ZNF462: variants seen among roughly 807,000 people sequenced by gnomAD.
ZNF462 encodes the protein zinc finger protein 462, also known as zinc finger PBX1-interacting protein.
Under a neutral mutation model 201.9 loss-of-function variants are expected in ZNF462, and 10 were observed. The ratio of observed to expected loss-of-function variants is 0.05; its 90% confidence interval spans 0.03 to 0.08. ZNF462 has a LOEUF of 0.08. Among genes scored for constraint, ZNF462 ranks in the 10% least tolerant of loss-of-function variants. The pLI is 1.00. For missense variants in ZNF462, 2,523 were observed against 3,168.3 expected (o/e 0.80, Z 4.89); for synonymous variants, 1,227 against 1,193.3 (o/e 1.03, Z -0.58).
intron 7 of ZNF462, among the ~76,000 whole-genome samples, chr9:106,958,134 T>G (rs895288452): frequency 6.6e-5 from 10 of 152,088 alleles, no homozygotes; most frequent in African/African-American, 2.4e-4. Context: ...TGATATTCCA[T>G]CATCACTAGG....
In ZNF462 at chr9:107,006,920, A is replaced by G. The variant is rs928267098; in HGVS notation, c.7190-2625A>G. On this transcript the variant is annotated intron_variant, in intron 11 of 12. Transcript: ENST00000277225. This position sits in a 1 kb window ranked among gnomAD's most constrained non-coding sequence, Gnocchi z 4.3. ...GAGGCTGTATTAATCCATTTCTTACAAGGAAAACGGTTGTGATCGGAGAAG... is the reference window on the plus strand; with the variant it reads ...GAGGCTGTATTAATCCATTTCTTACGAGGAAAACGGTTGTGATCGGAGAAG... Among the ~76,000 whole-genome samples the G allele has an allele frequency of 5.3e-5, 8 of 152,178 alleles. No individual in the cohort carries two copies. Among genetic ancestry groups the G allele is most frequent in the African/African-American group, 1.9e-4 (8 of 41,440 alleles).
chr9:106,929,019 G>C lies in ZNF462; in HGVS notation c.5107G>C (p.Ala1703Pro). Residue 1703 changes from alanine to proline, a missense_variant, in exon 3 of 13, where the codon GCC becomes CCC. Around this residue, in one of 15 missense-constraint regions of ZNF462, gnomAD observed 17 missense variants for 57.6 expected, o/e 0.29. Coordinates refer to ENST00000277225, the MANE Select transcript of ZNF462 (RefSeq NM_021224.6). The surrounding 1 kb of genome is among the most constrained non-coding windows in gnomAD (Gnocchi z 8.7). ...CAACCTCTTCAAGTGTGCCCTGTGTGCCTACACCAACCCCATCCGCAAAGG... is the reference window on the plus strand; with the variant it reads ...CAACCTCTTCAAGTGTGCCCTGTGTCCCTACACCAACCCCATCCGCAAAGG... The part of the protein sequence containing the change: ...KNNLFKCALC[A>P]YTNPIRKGLA... 1 of 1,613,968 alleles carries C rather than the reference G, an allele frequency of 6.2e-7. No homozygotes were observed. Among genetic ancestry groups the C allele is most frequent in the Non-Finnish European group, 8.5e-7 (1 of 1,179,998 alleles).
chr9:106,887,331 C>T (rs1444685121), intron 1 of ZNF462, among the ~76,000 whole-genome samples: 1 of 152,162 alleles, frequency 6.6e-6, no homozygotes, highest in Non-Finnish European at 1.5e-5. Context: ...CTTTTCCTTG[C>T]CTACATCCTC....
intron 10 of ZNF462, among the ~76,000 whole-genome samples, chr9:107,002,967 A>C (rs1467700411): frequency 6.6e-6 from 1 of 152,182 alleles, no homozygotes; most frequent in African/African-American, 2.4e-5. Flanking sequence ...CTACAAAAAA[A>C]ATGTGTTTTG....
chr9:106,868,926 C>T (rs935295665), intron 1 of ZNF462, among the ~76,000 whole-genome samples: 1 of 152,234 alleles, frequency 6.6e-6, no homozygotes, highest in Middle Eastern at 3.4e-3. Flanking sequence ...CAGGGTTGAG[C>T]GTGGTTTCAT....
chr9:106,897,161 G>GA (rs1828847678), intron 1 of ZNF462, among the ~76,000 whole-genome samples: 1 of 152,162 alleles, frequency 6.6e-6, no homozygotes. Context: ...CCCTTTCAGA[G>GA]AAAACTTCAC....
chr9:106,928,848 A>C lies in ZNF462; in HGVS notation c.4936A>C (p.Thr1646Pro). Residue 1646 changes from threonine (T) to proline (P), a missense_variant, in exon 3 of 13, where the codon ACT becomes CCT. Transcript: ENST00000277225. This position sits in a 1 kb window ranked among gnomAD's most constrained non-coding sequence, Gnocchi z 9.3. Reference sequence around the variant, plus strand: ...GGAGGTGGGAGAGGAGCCCGTGTCCACTTCTCACTTCTCTACCTCCCACCT... The same window carrying C: ...GGAGGTGGGAGAGGAGCCCGTGTCCCCTTCTCACTTCTCTACCTCCCACCT... ...EEEVGEEPVS[T>P]SHFSTSHLVS... 1 of 1,613,934 alleles carries C rather than the reference A, an allele frequency of 6.2e-7. No homozygotes were observed. The highest frequency in any genetic ancestry group is 8.5e-7 in the Non-Finnish European group (1 of 1,180,010).
chr9:106,966,738 T>C lies in ZNF462; in HGVS notation c.6428-5267T>C, dbSNP rs1832089022. Among the ~76,000 whole-genome samples, 1 of 152,148 alleles carries C rather than the reference T, an allele frequency of 6.6e-6. No individual in the cohort carries two copies. Among genetic ancestry groups the C allele is most frequent in the Non-Finnish European group, 1.5e-5 (1 of 68,018 alleles). On this transcript the variant is annotated intron_variant, in intron 7 of 12. Transcript: ENST00000277225. The surrounding 1 kb of genome is among the most constrained non-coding windows in gnomAD (Gnocchi z 4.4). ...TAAATATTTGCTGAATGAATGGGTG[T>C]AATTGAATCATTTGCCCCTTGGCCA...
At position 106,970,314 on chromosome 9, in the gene ZNF462, A is replaced by C. The variant is rs1005986298; in HGVS notation, c.6428-1691A>C. Among the ~76,000 whole-genome samples, 1 of 152,066 alleles carries C rather than the reference A, an allele frequency of 6.6e-6. No homozygotes were observed. The highest frequency in any genetic ancestry group is 6.5e-5 in the Admixed American group (1 of 15,268). On this transcript the variant is annotated intron_variant, in intron 7 of 12. Coordinates refer to ENST00000277225, the MANE Select transcript of ZNF462 (RefSeq NM_021224.6). The surrounding 1 kb of genome is among the most constrained non-coding windows in gnomAD (Gnocchi z 4.2). ...TACAATTTCCAAAGGGGTTTTTCTC[A>C]ATCTTGAGGAATATGAATTGAGGAG...
rs1044039010 is a variant in ZNF462, at chr9:107,005,822, T to C, written c.7189+2396T>C. Among the ~76,000 whole-genome samples the C allele has an allele frequency of 2.1e-4, 32 of 152,214 alleles. No individual in the cohort carries two copies. The highest frequency in any genetic ancestry group is 7.5e-4 in the African/African-American group (31 of 41,468). On this transcript the variant is annotated intron_variant, in intron 11 of 12. Coordinates refer to ENST00000277225, the MANE Select transcript of ZNF462 (RefSeq NM_021224.6). The surrounding 1 kb of genome is among the most constrained non-coding windows in gnomAD (Gnocchi z 4.4). The stretch of plus-strand genomic sequence containing the variant: ...AGTAGTTTTATAGTTTCAGGTCTTA[T>C]ATTCAAGTTTTTAATTCATTTTGAG...
intron 7 of ZNF462, among the ~76,000 whole-genome samples, chr9:106,957,898 G>A (rs971219061): frequency 1.3e-5 from 2 of 152,026 alleles, no homozygotes; most frequent in African/African-American, 4.8e-5. Context: ...ATTAATTTTT[G>A]CACATGAAGG....
Position 107,009,727 on chromosome 9 carries a change from G to T in ZNF462, c.7313+59G>T. 6.3e-7 allele frequency: 1 copy of T among 1,583,020 alleles called. No homozygotes were observed. The highest frequency in any genetic ancestry group is 8.6e-7 in the Non-Finnish European group (1 of 1,158,852). The stretch of plus-strand genomic sequence containing the variant: ...AAAGCAAGAGGTAGGGAGGGAGGGA[G>T]GGGCTCTTGTTTTGGTTCCCCTGAC... On this transcript the variant is annotated intron_variant, in intron 12 of 12. Transcript: ENST00000277225. The surrounding 1 kb of genome is among the most constrained non-coding windows in gnomAD (Gnocchi z 6.1).
intron 1 of ZNF462, among the ~76,000 whole-genome samples, chr9:106,873,764 G>A (rs1389993797): frequency 6.6e-6 from 1 of 152,160 alleles, no homozygotes; most frequent in Non-Finnish European, 1.5e-5. Flanking sequence ...CTAATAGAGT[G>A]ACACACTGTG....
In ZNF462 at chr9:106,926,043, A is replaced by G. The variant is rs1170450740; in HGVS notation, c.2131A>G (p.Lys711Glu). The change falls in exon 3 of 13, where the codon AAA becomes GAA. Residue 711 changes from lysine to glutamate, a missense_variant. Physicochemically the swap from Lys to Glu is moderately conservative, Grantham distance 56. Transcript: ENST00000277225. The surrounding 1 kb of genome is among the most constrained non-coding windows in gnomAD (Gnocchi z 7.9). ...CCTTCAGAGCAAAATTAACCAAACC[A>G]AACAGCAGGAAGATGCAGTGATCAA... is the stretch of plus-strand genomic sequence containing the variant. Reference protein sequence around the residue: ...SNLQSKINQTKQQEDAVINVE... With the variant: ...SNLQSKINQTEQQEDAVINVE... The G allele has an allele frequency of 6.2e-7, 1 of 1,614,104 alleles. No homozygotes were observed. The highest frequency in any genetic ancestry group is 1.3e-5 in the African/African-American group (1 of 74,922).
chr9:106,862,793 G>A (rs1370394841), upstream of ZNF462, among the ~76,000 whole-genome samples: 1 of 152,126 alleles, frequency 6.6e-6, no homozygotes, highest in East Asian at 1.9e-4. This position sits in a 1 kb window ranked among gnomAD's most constrained non-coding sequence, Gnocchi z 4.2. Flanking sequence ...CGAGCTCTTG[G>A]ATAATTCTTC....
intron 11 of ZNF462, among the ~76,000 whole-genome samples, chr9:107,007,126 C>A (rs1271624658): frequency 6.6e-6 from 1 of 152,118 alleles, no homozygotes; most frequent in East Asian, 1.9e-4. Context: ...TAAACTGTTT[C>A]TCATTGGATA....
In ZNF462 at chr9:106,962,654, C is replaced by CA. The variant is rs1831894031; in HGVS notation, c.6428-9349dup. 6.6e-6 allele frequency among the ~76,000 whole-genome samples: 1 copy of CA among 151,942 alleles called. No individual in the cohort carries two copies. The highest frequency in any genetic ancestry group is 1.5e-5 in the Non-Finnish European group (1 of 67,966). ...AATATTTTGTTTTGTTTTGTTTTCT[C>CA]AATCTATTCCCTGATCATATTTCAA... On this transcript the variant is annotated intron_variant, in intron 7 of 12. Transcript: ENST00000277225. This position sits in a 1 kb window ranked among gnomAD's most constrained non-coding sequence, Gnocchi z 4.6.
rs1470348054 is a variant in ZNF462 at position 106,872,700 on chromosome 9, G to A, written c.-31+9345G>A. Among the ~76,000 whole-genome samples, 1 of 152,146 alleles carries A rather than the reference G, an allele frequency of 6.6e-6. No individual in the cohort carries two copies. The highest frequency in any genetic ancestry group is 1.5e-5 in the Non-Finnish European group (1 of 68,028). On this transcript the variant is annotated intron_variant, in intron 1 of 12. Transcript: ENST00000277225. The surrounding 1 kb of genome is among the most constrained non-coding windows in gnomAD (Gnocchi z 4.5). ...ATTTTAATTTAAATATCGGAGTTCA[G>A]TTGCAAGAACTTCCCCCCTTTCTGC...
At chr9:106,945,118 C>T (rs1262901566) in intron 7 of ZNF462, among the ~76,000 whole-genome samples, 1 of 151,966 alleles carries the variant, frequency 6.6e-6, no homozygotes, top group Non-Finnish European at 1.5e-5. Flanking sequence ...TCATTCTGAG[C>T]CTTTATATTT....
Sources: allele counts gnomAD v4.1 joint callset (sites outside exome capture counted in the v4.1 genomes callset), GRCh38; gene constraint gnomAD v4.1.1; regional missense constraint gnomAD v4.1.1; non-coding constraint Gnocchi (gnomAD v3.1); transcripts MANE v1.5; gene names NCBI Gene and HGNC (gene_info 2026-07-23, HGNC 2026-07-21).